Variants in CSMD1 observed in about 807,000 individuals in gnomAD.
The protein encoded by CSMD1 is CUB and sushi domain-containing protein 1.
A neutral mutation model predicts 417.5 loss-of-function variants in CSMD1; 213 were observed. The ratio of observed to expected loss-of-function variants is 0.51; its 90% CI spans 0.46 to 0.57. The LOEUF is 0.57. Ranked by LOEUF, CSMD1 falls within the 20% of genes least tolerant of loss-of-function variation. The pLI is 0.00. For missense variants in CSMD1, 6,923 were observed against 4,529.7 expected, an observed-to-expected ratio of 1.53 and a Z score of -15.17; for synonymous variants, 2,862 against 1,736.8, an observed-to-expected ratio of 1.65 and a Z score of -16.11.
chr8:4,100,306 C>G (rs1801240665), intron 3 of CSMD1, among the ~76,000 whole-genome samples: 1 of 152,034 alleles, frequency 6.6e-6, no homozygotes, highest in Admixed American at 6.6e-5. Context: ...TATCTTTTAC[C>G]AAATGAAACC....
At chr8:3,911,878 T>C (rs1244156854) in intron 5 of CSMD1, among the ~76,000 whole-genome samples, 1 of 152,210 alleles carries the variant, frequency 6.6e-6, no homozygotes, top group Non-Finnish European at 1.5e-5. Context: ...TTCCATCTTC[T>C]TACCTCCGTT....
intron 18 of CSMD1, among the ~76,000 whole-genome samples, chr8:3,381,265 C>T (rs1410408259): frequency 1.3e-5 from 2 of 150,720 alleles, no homozygotes; most frequent in Non-Finnish European, 3.0e-5. Flanking sequence ...CAGATCTACC[C>T]ACATGAAAAA....
chr8:4,632,616 T>A (rs1236232607), intron 2 of CSMD1, among the ~76,000 whole-genome samples: 1 of 152,050 alleles, frequency 6.6e-6, no homozygotes, highest in African/African-American at 2.4e-5. Context: ...CTATTAGACA[T>A]CTGAATGTAC....
intron 8 of CSMD1, among the ~76,000 whole-genome samples, chr8:3,614,935 C>G (rs779151624): frequency 1.3e-5 from 2 of 152,302 alleles, no homozygotes; most frequent in Non-Finnish European, 1.5e-5. Context: ...GAAGATTTTT[C>G]CTCGACAAGA....
At chr8:4,713,687 G>A (rs10093574) in intron 1 of CSMD1, among the ~76,000 whole-genome samples, 138,489 of 152,196 alleles carry the variant, frequency 0.91, 63,231 homozygotes, top group East Asian at 0.99. Context: ...CAGAGCTCCA[G>A]CTGCTCGCCA....
chr8:3,189,426 A>T (rs1796281150), intron 34 of CSMD1, among the ~76,000 whole-genome samples: 1 of 152,240 alleles, frequency 6.6e-6, no homozygotes, highest in Non-Finnish European at 1.5e-5. Flanking sequence ...GAGGCGCTTA[A>T]AATGTACAAA....
At chr8:4,371,732 A>G (rs1392718924) in intron 3 of CSMD1, among the ~76,000 whole-genome samples, 4 of 152,158 alleles carry the variant, frequency 2.6e-5, no homozygotes. Flanking sequence ...GTTTTTATGT[A>G]TTTTTCAAAC....
intron 3 of CSMD1, among the ~76,000 whole-genome samples, chr8:4,132,748 G>T (rs777552102): frequency 3.3e-5 from 5 of 152,184 alleles, no homozygotes; most frequent in Non-Finnish European, 7.3e-5. Flanking sequence ...TGCAGAGATA[G>T]TGTTGATGTT....
intron 1 of CSMD1, among the ~76,000 whole-genome samples, chr8:4,682,670 A>G (rs1012076490): frequency 1.3e-5 from 2 of 151,930 alleles, no homozygotes; most frequent in African/African-American, 2.4e-5. Context: ...ACAGATCACA[A>G]TAGTGTACAG....
intron 1 of CSMD1, among the ~76,000 whole-genome samples, chr8:4,855,034 G>T (rs552533869): frequency 2.0e-5 from 3 of 152,258 alleles, no homozygotes; most frequent in Admixed American, 6.5e-5. Context: ...TTTGAAGAGA[G>T]CAGTGGTTCT....
At chr8:4,546,367 T>C (rs1177653310) in intron 2 of CSMD1, among the ~76,000 whole-genome samples, 1 of 152,180 alleles carries the variant, frequency 6.6e-6, no homozygotes, top group Non-Finnish European at 1.5e-5. Flanking sequence ...TGGTAAAAGA[T>C]TGCTTCTGAG....
intron 1 of CSMD1, among the ~76,000 whole-genome samples, chr8:4,675,003 AGCCT>A (rs1563117817): frequency 6.6e-6 from 1 of 152,144 alleles, no homozygotes; most frequent in Non-Finnish European, 1.5e-5. Context: ...CCAAGAAGAG[AGCCT>A]TCCCCAGGGA....
intron 5 of CSMD1, among the ~76,000 whole-genome samples, chr8:3,850,315 T>A (rs367903665): frequency 6.6e-5 from 10 of 152,316 alleles, no homozygotes; most frequent in African/African-American, 2.4e-4. Flanking sequence ...AGCTTTGTTT[T>A]CCATAGGGTC....
intron 3 of CSMD1, among the ~76,000 whole-genome samples, chr8:4,222,199 C>G (rs915238194): frequency 6.6e-6 from 1 of 151,986 alleles, no homozygotes; most frequent in African/African-American, 2.4e-5. Context: ...CAAGCTCTAC[C>G]AGATAATTGA....
intron 5 of CSMD1, among the ~76,000 whole-genome samples, chr8:3,896,330 A>G (rs947051901): frequency 6.6e-6 from 1 of 152,148 alleles, no homozygotes; most frequent in Non-Finnish European, 1.5e-5. Context: ...AGATTTCCAT[A>G]TACTCACTTT....
At chr8:3,731,277 G>C (rs139483807) in intron 6 of CSMD1, among the ~76,000 whole-genome samples, 4 of 152,216 alleles carry the variant, frequency 2.6e-5, no homozygotes, top group African/African-American at 9.6e-5. Context: ...AGCATTTATG[G>C]AGATACAGAT....
At chr8:4,659,490 C>T (rs1319199424) in intron 1 of CSMD1, among the ~76,000 whole-genome samples, 1 of 152,124 alleles carries the variant, frequency 6.6e-6, no homozygotes, top group Non-Finnish European at 1.5e-5. Flanking sequence ...ACAGGCTGCA[C>T]CATGGATGAA....
chr8:4,882,409 T>A (rs190189527), intron 1 of CSMD1, among the ~76,000 whole-genome samples: 1 of 151,824 alleles, frequency 6.6e-6, no homozygotes, highest in East Asian at 2.0e-4. Context: ...AGTTTGGCAT[T>A]GTGTGGCTTT....
At chr8:4,052,842 C>G (rs755322935) in intron 3 of CSMD1, among the ~76,000 whole-genome samples, 2 of 152,038 alleles carry the variant, frequency 1.3e-5, no homozygotes, top group Non-Finnish European at 2.9e-5. Context: ...CTAGGTAAAC[C>G]CCTCTCCATC....
Sources: gnomAD v4.1 joint callset for allele counts (sites outside exome capture counted in the v4.1 genomes callset) on GRCh38, gnomAD v4.1.1 for gene constraint, MANE v1.5 for transcripts, NCBI Gene and HGNC (gene_info 2026-07-23, HGNC 2026-07-21) for gene names.